The following RHOBTB2 variants were observed in gnomAD, a reference collection of about 807,000 sequenced individuals.
The protein encoded by RHOBTB2 is Rho related BTB domain containing 2.
A neutral mutation model predicts 66.5 loss-of-function variants in RHOBTB2; 39 were observed. The ratio of observed to expected loss-of-function variants is 0.59; its 90% CI spans 0.45 to 0.77. The LOEUF (loss-of-function observed/expected upper bound fraction) is 0.77. Ranked by LOEUF, RHOBTB2 falls within the 30% of genes least tolerant of loss-of-function variation. The pLI is 0.00. For missense variants in RHOBTB2, 755 were observed against 999.1 expected (o/e 0.76, Z 3.29); for synonymous variants, 390 against 395.0 (o/e 0.99, Z 0.15).
chr8:22,974,136 G>A, the RHOBTB2 span, among the ~76,000 whole-genome samples: 1 of 152,138 alleles, frequency 6.6e-6, no homozygotes, highest in Non-Finnish European at 1.5e-5. Context: ...ATATGGTTGG[G>A]CTGATTCCCG....
chr8:23,009,287 C>T (rs572836322), intron 6 of RHOBTB2, among the ~76,000 whole-genome samples: 1 of 152,268 alleles, frequency 6.6e-6, no homozygotes, highest in Admixed American at 6.5e-5. Flanking sequence ...CACGATGCCA[C>T]CACTTTCTCA....
At chr8:23,016,792 G>T (rs1186075958) in intron 9 of RHOBTB2, among the ~76,000 whole-genome samples, 1 of 152,048 alleles carries the variant, frequency 6.6e-6, no homozygotes, top group Non-Finnish European at 1.5e-5. Context: ...AGTCTTCCAT[G>T]GCCCCCCATA....
rs537185451 is a variant in RHOBTB2, at chr8:23,019,896, G to A, written c.*2427G>A. 84 of 209,844 alleles carry A rather than the reference G, an allele frequency of 4.0e-4. No homozygotes were observed. Among genetic ancestry groups the A allele is most frequent in the African/African-American group, 1.8e-3 (76 of 42,826 alleles). 13.0% of individuals were successfully genotyped at this position (209,844 alleles called of 1,614,324 possible). ...AACATTGGTGTCCCTGTCCCCAGAG[G>A]GAGGAGCAGGCAGGAGAGAGAGGGG... On this transcript the variant is annotated 3_prime_UTR_variant, in exon 10 of 10. Coordinates refer to ENST00000251822, the MANE Select transcript of RHOBTB2 (RefSeq NM_015178.3).
Position 23,004,718 on chromosome 8 carries a change from C to A in RHOBTB2, c.192+92C>A. 7.9e-7 allele frequency: 1 copy of A among 1,262,932 alleles called. No homozygotes were observed. Among genetic ancestry groups the A allele is most frequent in the Non-Finnish European group, 1.1e-6 (1 of 902,142 alleles). The allele number at this position is 1,262,932 out of a possible 1,614,324, so 78.2% of individuals were successfully genotyped here. ...CATAGCTTGGTGTCTCCAGAGCTCA[C>A]GGGAGCCCTCTAGGGGTGGGACAGG... On this transcript the variant is annotated intron_variant, in intron 2 of 9. Transcript: ENST00000251822. This position sits in a 1 kb window ranked among gnomAD's most constrained non-coding sequence, Gnocchi z 6.4.
At chr8:22,953,761 C>T in the RHOBTB2 span, among the ~76,000 whole-genome samples, 1 of 152,222 alleles carries the variant, frequency 6.6e-6, no homozygotes, top group Non-Finnish European at 1.5e-5. Context: ...CTGCTCTGTT[C>T]AGTCAGGCTC....
the RHOBTB2 span, among the ~76,000 whole-genome samples, chr8:22,955,564 C>CT: frequency 0.034 from 3,539 of 103,874 alleles, 155 homozygotes; most frequent in African/African-American, 0.066. Context: ...TTCAATAAAT[C>CT]TTTTTTTTTT....
At chr8:22,995,860 G>T, upstream of RHOBTB2, 1 of 1,551,720 alleles carries the variant, frequency 6.4e-7, no homozygotes, top group Non-Finnish European at 8.7e-7. Flanking sequence ...AGTGTTCCAG[G>T]AGAGGGGTGC....
At chr8:22,966,692 T>C in the RHOBTB2 span, among the ~76,000 whole-genome samples, 1 of 152,038 alleles carries the variant, frequency 6.6e-6, no homozygotes, top group Non-Finnish European at 1.5e-5. Context: ...ATTAAGGAAA[T>C]GCAAATGAAA....
At chr8:22,998,784 G>C (rs560399698), upstream of RHOBTB2, 186 of 150,052 alleles carry the variant, frequency 1.2e-3, 2 homozygotes, top group African/African-American at 4.3e-3. Flanking sequence ...TATGGAAAGT[G>C]TCTTCTAGGG....
chr8:22,966,120 G>A, the RHOBTB2 span, among the ~76,000 whole-genome samples: 2 of 152,062 alleles, frequency 1.3e-5, no homozygotes, highest in African/African-American at 4.8e-5. Flanking sequence ...GGAGGCCGAG[G>A]TGGGCAGATC....
rs1563297857 is a variant in RHOBTB2, at chr8:23,017,391, C to G, written c.2106C>G (p.Leu702=). The part of the protein sequence containing the change: ...HLKRQPKRRW[L]FWNSPSSPSS... ...AGCGGCAGCCCAAACGGCGTTGGCT[C>G]TTCTGGAACAGTCCATCCTCCCCGT... Residue 702 remains leucine (L), a synonymous_variant, in exon 10 of 10, where the codon CTC becomes CTG. Coordinates refer to ENST00000251822, the MANE Select transcript of RHOBTB2 (RefSeq NM_015178.3). The surrounding 1 kb of genome is among the most constrained non-coding windows in gnomAD (Gnocchi z 5.3). 1 of 1,614,110 alleles carries G rather than the reference C, an allele frequency of 6.2e-7. No individual in the cohort carries two copies. The highest frequency in any genetic ancestry group is 8.5e-7 in the Non-Finnish European group (1 of 1,179,988).
At chr8:22,975,940 G>T in the RHOBTB2 span, among the ~76,000 whole-genome samples, 1 of 152,090 alleles carries the variant, frequency 6.6e-6, no homozygotes, top group Non-Finnish European at 1.5e-5. Context: ...GAGGTCAGGA[G>T]TTCGGGACCA....
intron 7 of RHOBTB2, among the ~76,000 whole-genome samples, chr8:23,011,431 C>T (rs1004115303): frequency 1.3e-5 from 2 of 152,108 alleles, no homozygotes; most frequent in Non-Finnish European, 2.9e-5. Context: ...TTCTTCTTCC[C>T]CTACCTTTGA....
At chr8:23,013,380 A>G (rs1264301423) in intron 7 of RHOBTB2, among the ~76,000 whole-genome samples, 1 of 151,962 alleles carries the variant, frequency 6.6e-6, no homozygotes, top group Non-Finnish European at 1.5e-5. Context: ...CCCTTTGCCT[A>G]GTATTCCTTT....
Position 23,017,666 on chromosome 8 carries a change from C to T in RHOBTB2, c.*197C>T. On this transcript the variant is annotated 3_prime_UTR_variant, in exon 10 of 10. Transcript: ENST00000251822. This position sits in a 1 kb window ranked among gnomAD's most constrained non-coding sequence, Gnocchi z 5.3. The stretch of plus-strand genomic sequence containing the variant: ...GCCCTGTGGAGCAGAACGGGAACCA[C>T]CTGCAGAGGTCCCCAGACCCAAAGC... The T allele has an allele frequency of 1.3e-6, 1 of 792,846 alleles. No individual in the cohort carries two copies. Among genetic ancestry groups the T allele is most frequent in the Non-Finnish European group, 1.9e-6 (1 of 514,402 alleles). The allele number at this position is 792,846 out of a possible 1,614,324, so 49.1% of individuals were successfully genotyped here.
chr8:22,976,041 G>A, the RHOBTB2 span, among the ~76,000 whole-genome samples: 1 of 152,140 alleles, frequency 6.6e-6, no homozygotes, highest in African/African-American at 2.4e-5. Flanking sequence ...AGCTACTCAG[G>A]AGGCTGAGCC....
upstream of RHOBTB2, among the ~76,000 whole-genome samples, chr8:22,998,724 C>A (rs1362220530): frequency 4.5e-3 from 368 of 81,232 alleles, no homozygotes; most frequent in South Asian, 8.3e-3. Flanking sequence ...GAGGGAGACT[C>A]AAAAAAAAAA....
In RHOBTB2 at chr8:23,018,747, G is replaced by C. The variant is rs1811379889; in HGVS notation, c.*1278G>C. ...TTCCTTACCCTCAGAGAGTGCTTAT[G>C]GTGGGTGTTTTTGCGGGGCTGCAAT... On this transcript the variant is annotated 3_prime_UTR_variant, in exon 10 of 10. Coordinates refer to ENST00000251822, the MANE Select transcript of RHOBTB2 (RefSeq NM_015178.3). The C allele has an allele frequency of 6.6e-6, 1 of 152,572 alleles. No individual in the cohort carries two copies. The highest frequency in any genetic ancestry group is 2.1e-4 in the South Asian group (1 of 4,838). 9.5% of individuals were successfully genotyped at this position (152,572 alleles called of 1,614,324 possible).
chr8:22,997,505 G>T (rs1007781866), upstream of RHOBTB2, among the ~76,000 whole-genome samples: 1 of 152,126 alleles, frequency 6.6e-6, no homozygotes, highest in Non-Finnish European at 1.5e-5. Context: ...TTTTGTCCAA[G>T]ACCCTTCCAC....
Sources: gnomAD v4.1 joint callset for allele counts (sites outside exome capture counted in the v4.1 genomes callset) on GRCh38, gnomAD v4.1.1 for gene constraint, Gnocchi (gnomAD v3.1) non-coding constraint, MANE v1.5 for transcripts, NCBI Gene and HGNC (gene_info 2026-07-23, HGNC 2026-07-21) for gene names.